Variants in ZBTB20 observed in about 807,000 individuals in gnomAD.
ZBTB20 encodes zinc finger and BTB domain containing 20.
In ZBTB20, 9 loss-of-function variants were observed where a neutral mutation model predicts 56.9. The observed-to-expected ratio is 0.16, with a 90% CI of 0.10 to 0.28. The LOEUF is 0.28. Ranked by LOEUF, ZBTB20 falls within the 10% of genes least tolerant of loss-of-function variation. The pLI is 1.00. For missense variants in ZBTB20, 655 were observed against 1,003.0 expected, an observed-to-expected ratio of 0.65 and a Z score of 4.69; for synonymous variants, 417 against 420.7, an observed-to-expected ratio of 0.99 and a Z score of 0.11.
chr3:114,825,533 G>A (rs966668091), intron 4 of ZBTB20, among the ~76,000 whole-genome samples: 14 of 151,884 alleles, frequency 9.2e-5, no homozygotes, highest in Non-Finnish European at 1.0e-4. Flanking sequence ...AGACCATGCA[G>A]CCTCTTTACT....
At chr3:114,428,009 G>A (rs1040973137) in intron 7 of ZBTB20, among the ~76,000 whole-genome samples, 5 of 152,138 alleles carry the variant, frequency 3.3e-5, no homozygotes, top group Admixed American at 1.3e-4. Context: ...ATGCCCAAAG[G>A]CATCTGTCGT....
At chr3:114,349,624 T>C (rs575821855) in intron 11 of ZBTB20, among the ~76,000 whole-genome samples, 5 of 152,360 alleles carry the variant, frequency 3.3e-5, no homozygotes, top group African/African-American at 9.6e-5. Flanking sequence ...AAGGATCTCC[T>C]GATAGCATCC....
At chr3:114,737,411 C>A (rs1364623277) in intron 5 of ZBTB20, among the ~76,000 whole-genome samples, 1 of 152,064 alleles carries the variant, frequency 6.6e-6, no homozygotes, top group African/African-American at 2.4e-5. Context: ...GGTAAAGTAA[C>A]ATCATGCCTG....
intron 5 of ZBTB20, among the ~76,000 whole-genome samples, chr3:114,730,101 A>G (rs1223556881): frequency 1.3e-5 from 2 of 151,806 alleles, no homozygotes; most frequent in East Asian, 3.9e-4. Flanking sequence ...TCTGGCCCCA[A>G]AGATTTTATT....
chr3:115,110,582 T>A (rs1029972126), intron 1 of ZBTB20, among the ~76,000 whole-genome samples: 6 of 152,236 alleles, frequency 3.9e-5, no homozygotes, highest in African/African-American at 1.4e-4. Flanking sequence ...AATAAAAATT[T>A]GAAATGAATT....
At chr3:114,616,856 T>C (rs2057979660) in intron 6 of ZBTB20, among the ~76,000 whole-genome samples, 1 of 152,224 alleles carries the variant, frequency 6.6e-6, no homozygotes, top group African/African-American at 2.4e-5. Context: ...TCTTGCTTAG[T>C]TGTATAAGGC....
intron 1 of ZBTB20, chr3:115,102,984 T>TGAA (rs537888771): frequency 8.1e-5 from 12 of 147,312 alleles, no homozygotes; most frequent in African/African-American, 2.5e-4. Flanking sequence ...AAAAAAAAGG[T>TGAA]GAAGAAGAAG....
At chr3:114,720,389 G>T (rs1263173573) in intron 5 of ZBTB20, among the ~76,000 whole-genome samples, 1 of 151,806 alleles carries the variant, frequency 6.6e-6, no homozygotes, top group Non-Finnish European at 1.5e-5. Context: ...AGTAAAAAGG[G>T]TGGGTTCTAT....
At chr3:114,555,824 T>C (rs562164157) in intron 6 of ZBTB20, among the ~76,000 whole-genome samples, 2 of 152,106 alleles carry the variant, frequency 1.3e-5, no homozygotes, top group Non-Finnish European at 2.9e-5. Flanking sequence ...TTACCCTTTA[T>C]ACAATAAAGT....
intron 5 of ZBTB20, among the ~76,000 whole-genome samples, chr3:114,719,322 GCCA>G (rs2064744531): frequency 1.3e-5 from 2 of 152,004 alleles, no homozygotes; most frequent in Admixed American, 1.3e-4. Flanking sequence ...ATTGATAATG[GCCA>G]CAGGAATTCA....
intron 6 of ZBTB20, among the ~76,000 whole-genome samples, chr3:114,544,412 TC>T (rs2110129430): frequency 1.1e-4 from 1 of 8,916 alleles, no homozygotes; most frequent in East Asian, 3.2e-3. Flanking sequence ...ATTTCTTCTT[TC>T]TTTCTTTCTT....
intron 7 of ZBTB20, among the ~76,000 whole-genome samples, chr3:114,440,711 G>A (rs115432719): frequency 1.6e-3 from 250 of 152,258 alleles, no homozygotes; most frequent in Non-Finnish European, 2.5e-3. Flanking sequence ...ATACTGGTAC[G>A]AGTACTGTCT....
At chr3:114,410,973 C>T (rs938104773) in intron 7 of ZBTB20, among the ~76,000 whole-genome samples, 20 of 151,990 alleles carry the variant, frequency 1.3e-4, no homozygotes, top group Non-Finnish European at 7.4e-5. Flanking sequence ...AGGGACACAT[C>T]GAGTTAGTGA....
In ZBTB20 at chr3:114,801,138, G is replaced by A. The variant is rs2071676683; in HGVS notation, c.-380C>T. Reference sequence around the variant, plus strand: ...CAGCTCAATCTTTTGTTTTTAAGGTGCAGTGATTTCAGTCTCTAAATGTAA... The same window carrying A: ...CAGCTCAATCTTTTGTTTTTAAGGTACAGTGATTTCAGTCTCTAAATGTAA... On this transcript the variant is annotated 5_prime_UTR_variant, in exon 5 of 12. Coordinates refer to ENST00000675478, the MANE Select transcript of ZBTB20 (RefSeq NM_001348800.3). 6.6e-6 allele frequency: 1 copy of A among 152,094 alleles called. No individual in the cohort carries two copies. Among genetic ancestry groups the A allele is most frequent in the Non-Finnish European group, 1.5e-5 (1 of 67,850 alleles). 9.4% of individuals were successfully genotyped at this position (152,094 alleles called of 1,614,324 possible).
intron 5 of ZBTB20, among the ~76,000 whole-genome samples, chr3:114,778,361 G>GCAA (rs927191389): frequency 6.7e-6 from 1 of 148,618 alleles, no homozygotes; most frequent in African/African-American, 2.5e-5. Flanking sequence ...AAACAAAACA[G>GCAA]CAACAACAAC....
chr3:114,813,702 G>C (rs1276673285), intron 4 of ZBTB20, among the ~76,000 whole-genome samples: 4 of 152,196 alleles, frequency 2.6e-5, no homozygotes, highest in African/African-American at 9.7e-5. Flanking sequence ...AGTGAGTCAA[G>C]ATGGCACCAC....
At chr3:115,070,559 T>G (rs1178603543) in intron 2 of ZBTB20, among the ~76,000 whole-genome samples, 4 of 152,086 alleles carry the variant, frequency 2.6e-5, no homozygotes, top group Non-Finnish European at 5.9e-5. Flanking sequence ...TACTATTTAA[T>G]AGGTATATTA....
intron 4 of ZBTB20, among the ~76,000 whole-genome samples, chr3:114,824,437 A>T (rs2108930763): frequency 6.6e-6 from 1 of 152,110 alleles, no homozygotes; most frequent in South Asian, 2.1e-4. Flanking sequence ...ATGCCACTTC[A>T]GCCACTCCAG....
intron 2 of ZBTB20, among the ~76,000 whole-genome samples, chr3:115,027,856 T>A (rs2080488849): frequency 6.6e-6 from 1 of 150,704 alleles, no homozygotes; most frequent in South Asian, 2.1e-4. Context: ...AATTTAAAAA[T>A]TAATTAAGAA....
Sources: gnomAD v4.1 joint callset for allele counts (sites outside exome capture counted in the v4.1 genomes callset) on GRCh38, gnomAD v4.1.1 for gene constraint, MANE v1.5 for transcripts, NCBI Gene and HGNC (gene_info 2026-07-23, HGNC 2026-07-21) for gene names.